The following GRID2 variants were observed in gnomAD, a reference collection of about 807,000 sequenced individuals.
GRID2 encodes the protein glutamate ionotropic receptor delta type subunit 2, also known as glutamate receptor ionotropic, delta-2.
Under a neutral mutation model 114.8 loss-of-function variants are expected in GRID2, and 33 were observed. That is an observed-to-expected ratio of 0.29 (90% CI 0.22 to 0.38). The LOEUF (loss-of-function observed/expected upper bound fraction) is 0.38. Among genes scored for constraint, GRID2 ranks in the 10% least tolerant of loss-of-function variants. The probability of loss-of-function intolerance (pLI) is 1.00; values close to 1 mark genes in which losing one functional copy is unlikely to be tolerated. For missense variants in GRID2, 1,184 were observed against 1,257.7 expected (o/e 0.94, Z 0.89); for synonymous variants, 505 against 449.9 (o/e 1.12, Z -1.55).
At chr4:92,707,414 T>G (rs866595784) in intron 2 of GRID2, among the ~76,000 whole-genome samples, 32 of 152,296 alleles carry the variant, frequency 2.1e-4, no homozygotes, top group Middle Eastern at 6.8e-3. Context: ...ATAGATTCTC[T>G]TCAAGCAGTT....
At chr4:93,344,782 G>C (rs1014287226) in intron 8 of GRID2, among the ~76,000 whole-genome samples, 7 of 151,664 alleles carry the variant, frequency 4.6e-5, no homozygotes, top group African/African-American at 1.7e-4. Flanking sequence ...TCCACCGCCA[G>C]CCTTCTCTAG....
At chr4:92,516,041 A>C (rs967646640) in intron 1 of GRID2, among the ~76,000 whole-genome samples, 3 of 151,924 alleles carry the variant, frequency 2.0e-5, no homozygotes, top group African/African-American at 4.8e-5. Flanking sequence ...TCGTTCTGTC[A>C]GATACATGTA....
intron 13 of GRID2, among the ~76,000 whole-genome samples, chr4:93,515,651 A>C (rs1210593865): frequency 2.0e-5 from 3 of 152,164 alleles, no homozygotes; most frequent in Non-Finnish European, 4.4e-5. Context: ...AAATACACAC[A>C]CTGGTATTTT....
intron 2 of GRID2, among the ~76,000 whole-genome samples, chr4:92,912,336 T>A (rs1434706245): frequency 6.6e-6 from 1 of 151,774 alleles, no homozygotes; most frequent in African/African-American, 2.4e-5. Flanking sequence ...GAAAAATAGA[T>A]CTTGTAAGCA....
chr4:93,265,407 C>G (rs1228347590), intron 8 of GRID2, among the ~76,000 whole-genome samples: 1 of 152,138 alleles, frequency 6.6e-6, no homozygotes, highest in Non-Finnish European at 1.5e-5. Context: ...GCCACCTTAT[C>G]AAATGAGTGG....
At chr4:92,925,605 A>G (rs1443274571) in intron 2 of GRID2, among the ~76,000 whole-genome samples, 4 of 152,048 alleles carry the variant, frequency 2.6e-5, no homozygotes, top group Admixed American at 2.0e-4. Context: ...TTAAAATAAC[A>G]TTTATATTGG....
Position 93,051,515 on chromosome 4 carries a change from G to C in GRID2, c.245-33480G>C, listed in dbSNP as rs140302107. Among the ~76,000 whole-genome samples, 618 of 152,054 alleles carry C rather than the reference G, an allele frequency of 4.1e-3. 7 individuals are homozygous for C. Among genetic ancestry groups the C allele is most frequent in the African/African-American group, 0.014 (600 of 41,514 alleles). On this transcript the variant is annotated intron_variant, in intron 2 of 15. Coordinates refer to ENST00000282020, the MANE Select transcript of GRID2 (RefSeq NM_001510.4). The stretch of plus-strand genomic sequence containing the variant: ...CTCTCTTCATCAAGTGTGCAAGATA[G>C]GTCATTGTGATTCCCTCAACTTTAC...
chr4:92,822,608 G>T, intron 2 of GRID2: 2 of 229,092 alleles, frequency 8.7e-6, no homozygotes, highest in Admixed American at 5.8e-5. Flanking sequence ...CACTCAACAC[G>T]TCCTTGGTAT....
intron 4 of GRID2, among the ~76,000 whole-genome samples, chr4:93,180,432 T>G (rs1000739393): frequency 6.6e-6 from 1 of 152,142 alleles, no homozygotes; most frequent in African/African-American, 2.4e-5. Context: ...TATTGATGAC[T>G]GCTGACTGAT....
Position 93,750,090 on chromosome 4 carries a change from A to G in GRID2, c.2361-19120A>G, listed in dbSNP as rs571408530. Among the ~76,000 whole-genome samples, 6 of 152,362 alleles carry G rather than the reference A, an allele frequency of 3.9e-5. No individual in the cohort carries two copies. The East Asian group carries it at 1.2e-3, about 29-fold the overall frequency. ...GCTTTTTATTCAGCAAATTGATCGAACGCATCCTCTGTGCAAACAACTGTA... is the reference window on the plus strand; with the variant it reads ...GCTTTTTATTCAGCAAATTGATCGAGCGCATCCTCTGTGCAAACAACTGTA... On this transcript the variant is annotated intron_variant, in intron 14 of 15. Coordinates refer to ENST00000282020, the MANE Select transcript of GRID2 (RefSeq NM_001510.4).
At chr4:92,441,214 C>T (rs1733053018) in intron 1 of GRID2, among the ~76,000 whole-genome samples, 1 of 152,138 alleles carries the variant, frequency 6.6e-6, no homozygotes, top group Middle Eastern at 3.4e-3. Flanking sequence ...TTTGAGAGAT[C>T]GGTCGGACAA....
intron 11 of GRID2, among the ~76,000 whole-genome samples, chr4:93,480,289 T>C (rs951073137): frequency 4.6e-5 from 7 of 151,904 alleles, no homozygotes; most frequent in African/African-American, 1.7e-4. Context: ...AAAGGACATA[T>C]CAAAAAATGC....
intron 5 of GRID2, among the ~76,000 whole-genome samples, chr4:93,208,369 A>G (rs1186849496): frequency 3.3e-5 from 5 of 152,032 alleles, no homozygotes; most frequent in African/African-American, 1.2e-4. Context: ...GGACAAGTAT[A>G]ATAACAATTA....
chr4:92,373,869 A>G (rs1729230351), intron 1 of GRID2, among the ~76,000 whole-genome samples: 1 of 152,166 alleles, frequency 6.6e-6, no homozygotes, highest in South Asian at 2.1e-4. Flanking sequence ...AAATGAAGGA[A>G]TAGGGAAATT....
intron 4 of GRID2, chr4:93,112,388 G>C (rs1732853371): frequency 6.6e-6 from 1 of 152,126 alleles, no homozygotes; most frequent in South Asian, 2.1e-4. Flanking sequence ...TGGGAGGTGA[G>C]TGGATCATGG....
At position 93,377,757 on chromosome 4, in the gene GRID2, G is replaced by A. The variant is rs756762172; in HGVS notation, c.1246-17850G>A. ...GTTTTTCAAGAGTCTTTTCCCTCTGGATTAGAGAACATCTCTGCCAGAATC... is the reference window on the plus strand; with the variant it reads ...GTTTTTCAAGAGTCTTTTCCCTCTGAATTAGAGAACATCTCTGCCAGAATC... On this transcript the variant is annotated intron_variant, in intron 8 of 15. Transcript: ENST00000282020. Among the ~76,000 whole-genome samples the A allele has an allele frequency of 6.6e-5, 10 of 151,894 alleles. No individual in the cohort carries two copies. The East Asian group carries it at 1.2e-3, about 18-fold the overall frequency.
intron 1 of GRID2, among the ~76,000 whole-genome samples, chr4:92,339,820 C>T (rs1727382645): frequency 6.6e-6 from 1 of 152,160 alleles, no homozygotes; most frequent in African/African-American, 2.4e-5. Flanking sequence ...GCAGAGGTTT[C>T]CCTTGCCAAG....
intron 1 of GRID2, among the ~76,000 whole-genome samples, chr4:92,452,219 T>A (rs190966110): frequency 6.6e-4 from 101 of 152,298 alleles, no homozygotes; most frequent in Non-Finnish European, 1.3e-3. Context: ...CACATAAATG[T>A]TCTTTATAGT....
At chr4:93,757,808 T>C (rs999687582) in intron 14 of GRID2, among the ~76,000 whole-genome samples, 7 of 151,970 alleles carry the variant, frequency 4.6e-5, no homozygotes, top group African/African-American at 1.7e-4. Context: ...AAGGCAAAAG[T>C]TATCTGGGCA....
Sources: gnomAD v4.1 joint callset for allele counts (sites outside exome capture counted in the v4.1 genomes callset) on GRCh38, gnomAD v4.1.1 for gene constraint, MANE v1.5 for transcripts, NCBI Gene and HGNC (gene_info 2026-07-23, HGNC 2026-07-21) for gene names.